FCHO2: variants seen among roughly 807,000 people sequenced by gnomAD.
FCHO2 encodes F-BAR domain only protein 2.
A neutral mutation model predicts 114.1 loss-of-function variants in FCHO2; 43 were observed. That is an observed-to-expected ratio of 0.38 (90% CI 0.30 to 0.49). The LOEUF (loss-of-function observed/expected upper bound fraction) is 0.49. FCHO2 is among the 20% of genes least tolerant of loss of function. The pLI, the probability that FCHO2 is intolerant of heterozygous loss-of-function variation, is 0.97. For synonymous variants in FCHO2, 293 were observed against 315.2 expected (o/e 0.93, Z 0.75); for missense variants, 807 against 950.4 (o/e 0.85, Z 1.98).
intron 17 of FCHO2, among the ~76,000 whole-genome samples, chr5:73,060,778 A>G (rs530186574): frequency 2.0e-5 from 3 of 152,162 alleles, no homozygotes; most frequent in East Asian, 1.9e-4. Flanking sequence ...GTGTTGTTAC[A>G]TGTTTTAAAA....
At chr5:73,066,220 C>T (rs1158045374) in intron 18 of FCHO2, among the ~76,000 whole-genome samples, 1 of 151,960 alleles carries the variant, frequency 6.6e-6, no homozygotes, top group Non-Finnish European at 1.5e-5. Flanking sequence ...CTCTCCCCAT[C>T]CTTGAGAGCC....
chr5:73,012,532 T>A (rs1580100462), intron 6 of FCHO2, among the ~76,000 whole-genome samples: 1 of 150,382 alleles, frequency 6.6e-6, no homozygotes, highest in Non-Finnish European at 1.5e-5. Flanking sequence ...GGCAGGAGAG[T>A]TGCTTGAACC....
intron 8 of FCHO2, among the ~76,000 whole-genome samples, chr5:73,026,774 C>T (rs1156955590): frequency 1.3e-5 from 2 of 152,108 alleles, no homozygotes; most frequent in African/African-American, 2.4e-5. Context: ...TCAGTGCAAC[C>T]TCCACCTCCC....
chr5:72,999,548 A>G (rs1754317042), intron 5 of FCHO2, among the ~76,000 whole-genome samples: 1 of 151,910 alleles, frequency 6.6e-6, no homozygotes, highest in Non-Finnish European at 1.5e-5. Flanking sequence ...ACGCCCAGCT[A>G]ATTTTTGTAT....
At chr5:73,030,287 C>G (rs1445279205) in intron 8 of FCHO2, among the ~76,000 whole-genome samples, 3 of 152,148 alleles carry the variant, frequency 2.0e-5, no homozygotes, top group Non-Finnish European at 4.4e-5. Context: ...GGTGATCTGC[C>G]TGCCTCGGCC....
chr5:73,047,399 GT>G (rs547445934), intron 11 of FCHO2, among the ~76,000 whole-genome samples: 64 of 145,378 alleles, frequency 4.4e-4, no homozygotes, highest in Non-Finnish European at 4.9e-4. Context: ...CCTTTCTGTA[GT>G]TTTTTTTTTT....
intron 2 of FCHO2, among the ~76,000 whole-genome samples, chr5:72,985,312 C>T (rs541972578): frequency 2.0e-5 from 3 of 152,052 alleles, no homozygotes; most frequent in Non-Finnish European, 4.4e-5. Flanking sequence ...CAGATGCATG[C>T]CCCCACGCCC....
At chr5:72,991,700 A>G (rs1753822147) in intron 5 of FCHO2, among the ~76,000 whole-genome samples, 1 of 152,330 alleles carries the variant, frequency 6.6e-6, no homozygotes, top group South Asian at 2.1e-4. Flanking sequence ...TCACTTAAGA[A>G]TGAGCCATGT....
intron 17 of FCHO2, among the ~76,000 whole-genome samples, chr5:73,062,685 T>C (rs1757905096): frequency 6.6e-6 from 1 of 152,022 alleles, no homozygotes; most frequent in Admixed American, 6.6e-5. Flanking sequence ...TCTCTTATTA[T>C]GGTATGCTTT....
chr5:73,017,599 T>C (rs564131038), intron 8 of FCHO2, among the ~76,000 whole-genome samples: 59 of 152,298 alleles, frequency 3.9e-4, no homozygotes, highest in East Asian at 2.3e-3. Flanking sequence ...GTGGTTATTA[T>C]AACATTTTAC....
intron 24 of FCHO2, among the ~76,000 whole-genome samples, 174 bp downstream of exon 24, chr5:73,082,999 G>C (rs1448192070): frequency 1.3e-5 from 2 of 151,770 alleles, no homozygotes; most frequent in African/African-American, 4.8e-5. Flanking sequence ...TCAGACTCCT[G>C]AGTAGCTGGG....
intron 1 of FCHO2, among the ~76,000 whole-genome samples, chr5:72,958,932 A>G (rs1249201055): frequency 6.6e-6 from 1 of 152,228 alleles, no homozygotes; most frequent in Non-Finnish European, 1.5e-5. Context: ...TTTGGCTAAT[A>G]TGAATAATAC....
In FCHO2 at chr5:73,063,705, A is replaced by G. The variant is rs537942720; in HGVS notation, c.1346-136A>G. 6.3e-5 allele frequency: 46 copies of G among 727,570 alleles called. No homozygotes were observed. In the African/African-American group the frequency reaches 6.6e-4, roughly 10 times the overall value. The allele number at this position is 727,570 out of a possible 1,614,324, so 45.1% of individuals were successfully genotyped here. A position where few individuals can be genotyped will look rare whatever the true frequency, so the allele number is the denominator to read the frequency against. ...ATAGATTCCCAATATTTCAACATCTATAATTACATCTAAAAAAAGAGCCTC... is the reference window on the plus strand; with the variant it reads ...ATAGATTCCCAATATTTCAACATCTGTAATTACATCTAAAAAAAGAGCCTC... On this transcript the variant is annotated intron_variant, in intron 17 of 25. Coordinates refer to ENST00000430046, the MANE Select transcript of FCHO2 (RefSeq NM_138782.3).
At chr5:72,981,860 A>T (rs772442095) in intron 2 of FCHO2, among the ~76,000 whole-genome samples, 10 of 152,096 alleles carry the variant, frequency 6.6e-5, no homozygotes, top group Non-Finnish European at 1.2e-4. Context: ...CCTTTTTTCA[A>T]GGTACTTAGC....
chr5:72,970,037 G>C (rs966690444), intron 2 of FCHO2, among the ~76,000 whole-genome samples: 2 of 152,126 alleles, frequency 1.3e-5, no homozygotes, highest in African/African-American at 4.8e-5. Context: ...GCAGTAGCTC[G>C]TAACTGCTCT....
At chr5:72,976,371 A>C (rs1752876887) in intron 2 of FCHO2, among the ~76,000 whole-genome samples, 1 of 151,748 alleles carries the variant, frequency 6.6e-6, no homozygotes, top group Non-Finnish European at 1.5e-5. Context: ...GAGCCACTGC[A>C]CCTGGCTTTT....
chr5:72,974,643 T>A (rs945701261), intron 2 of FCHO2, among the ~76,000 whole-genome samples: 2 of 152,140 alleles, frequency 1.3e-5, no homozygotes, highest in African/African-American at 4.8e-5. Flanking sequence ...CTGATGGGTC[T>A]TGACTCTTTA....
intron 2 of FCHO2, among the ~76,000 whole-genome samples, chr5:72,974,029 A>T (rs1161648217): frequency 6.6e-6 from 1 of 151,066 alleles, no homozygotes; most frequent in Non-Finnish European, 1.5e-5. Context: ...GAGATTCTTA[A>T]TCCTGAGTTC....
chr5:73,067,324 A>G (rs1742400078), intron 18 of FCHO2, among the ~76,000 whole-genome samples: 1 of 152,036 alleles, frequency 6.6e-6, no homozygotes, highest in African/African-American at 2.4e-5. Flanking sequence ...CAAGCTTGTA[A>G]GTTTCAGACT....
Sources: gnomAD v4.1 joint callset for allele counts (sites outside exome capture counted in the v4.1 genomes callset) on GRCh38, gnomAD v4.1.1 for gene constraint, MANE v1.5 for transcripts, NCBI Gene and HGNC (gene_info 2026-07-23, HGNC 2026-07-21) for gene names.